PYROXD1: variants seen among roughly 807,000 people sequenced by gnomAD.
PYROXD1 encodes pyridine nucleotide-disulphide oxidoreductase domain 1.
In PYROXD1, 42 loss-of-function variants were observed where a neutral mutation model predicts 62.0. That is an observed-to-expected ratio of 0.68 (90% CI 0.53 to 0.88). The LOEUF is 0.88. Among genes scored for constraint, PYROXD1 ranks in the 40% least tolerant of loss-of-function variants. The pLI is 0.00. For missense variants in PYROXD1, 493 were observed against 604.8 expected (o/e 0.82, Z 1.94); for synonymous variants, 170 against 206.4 (o/e 0.82, Z 1.51).
intron 2 of PYROXD1, among the ~76,000 whole-genome samples, chr12:21,443,158 A>G (rs113010876): frequency 0.026 from 4,015 of 152,306 alleles, 68 homozygotes; most frequent in Middle Eastern, 0.061. Flanking sequence ...GCTCGAGTTG[A>G]GAATTATTCA....
Position 21,467,499 on chromosome 12 carries a change from G to A in PYROXD1, c.1135G>A (p.Ala379Thr), listed in dbSNP as rs757939171. The stretch of plus-strand genomic sequence containing the variant: ...ATTTCAGATGAGGCTGTGGACCCAG[G>A]CTAGACAGATGGGATGGTATGCAGC... ...VWQQMRLWTQ[A>T]RQMGWYAAKC... The change falls in exon 11 of 12, where the codon GCT becomes ACT. Residue 379 changes from alanine (A) to threonine (T), a missense_variant. Transcript: ENST00000240651. 6.2e-7 allele frequency: 1 copy of A among 1,609,762 alleles called. No homozygotes were observed. Among genetic ancestry groups the A allele is most frequent in the African/African-American group, 1.3e-5 (1 of 74,670 alleles).
intron 3 of PYROXD1, among the ~76,000 whole-genome samples, chr12:21,446,162 G>C (rs908935503): frequency 6.6e-6 from 1 of 152,170 alleles, no homozygotes; most frequent in African/African-American, 2.4e-5. Context: ...GTTGGCTCAC[G>C]CCTGTAATCC....
chr12:21,467,664 A>G, intron 11 of PYROXD1, 46 bp downstream of exon 11: 1 of 1,369,038 alleles, frequency 7.3e-7, no homozygotes, highest in Non-Finnish European at 1.0e-6. Flanking sequence ...TGTTAGTCTT[A>G]TGACTATGAT....
Position 21,455,287 on chromosome 12 carries a change from C to T in PYROXD1, c.644C>T (p.Thr215Ile). 1 of 1,547,170 alleles carries T rather than the reference C, an allele frequency of 6.5e-7. No homozygotes were observed. The highest frequency in any genetic ancestry group is 8.7e-7 in the Non-Finnish European group (1 of 1,147,342). The change falls in exon 6 of 12, where the codon ACT (threonine) becomes ATT (isoleucine). Residue 215 changes from threonine to isoleucine, a missense_variant. Physicochemically the swap from Thr to Ile is moderately conservative, Grantham distance 89. Coordinates refer to ENST00000240651, the MANE Select transcript of PYROXD1 (RefSeq NM_024854.5). ...GCACATAAAAGAACCAGATATACAA[C>T]TGAAGGTAAGTGTAGCACCTAGCTC... The part of the protein sequence containing the change: ...KIAHKRTRYT[T>I]EGRKKEARSK...
chr12:21,445,601 C>G (rs1942371850), intron 3 of PYROXD1, 135 bp downstream of exon 3: 1 of 874,866 alleles, frequency 1.1e-6, no homozygotes, highest in East Asian at 3.0e-5. Flanking sequence ...CATTGATTTC[C>G]AGTATTATTA....
rs77084832 is a variant in PYROXD1, at chr12:21,460,168, C to T, written c.751-857C>T. Among the ~76,000 whole-genome samples, 349 of 152,124 alleles carry T rather than the reference C, an allele frequency of 2.3e-3. 2 individuals are homozygous for T. Among genetic ancestry groups the T allele is most frequent in the African/African-American group, 7.9e-3 (329 of 41,508 alleles). ...GTAGGTAGGAGGGGAGCTGGCTGCA[C>T]GGTGTATCTAATTTTTGTGATGGAA... On this transcript the variant is annotated intron_variant, in intron 7 of 11. Coordinates refer to ENST00000240651, the MANE Select transcript of PYROXD1 (RefSeq NM_024854.5).
In PYROXD1 at chr12:21,460,989, T is replaced by C. The variant is rs7309539; in HGVS notation, c.751-36T>C. The C allele has an allele frequency of 0.48, 622,837 of 1,293,114 alleles. 151,432 individuals carry two copies. Among genetic ancestry groups the C allele is most frequent in the Middle Eastern group, 0.55 (1,915 of 3,508 alleles). The allele number at this position is 1,293,114 out of a possible 1,614,324, so 80.1% of individuals were successfully genotyped here. A position where few individuals can be genotyped will look rare whatever the true frequency, so the allele number is the denominator to read the frequency against. On this transcript the variant is annotated intron_variant, in intron 7 of 11. Transcript: ENST00000240651. ...TTAGTAACCCGGGTTATTCTTTCTG[T>C]AAGTATTATGCTAACCAGTATTTTC...
rs1237361246 is a variant in PYROXD1, at chr12:21,449,566, A to C, written c.289A>C (p.Ile97Leu). The part of the protein sequence containing the change: ...VKQLKSEEHC[I>L]VTEDGNQHVY... Reference sequence around the variant, plus strand: ...TCATTGTTTGATGTATTTACAGTGCATTGTAACAGAAGATGGCAATCAGCA... The same window carrying C: ...TCATTGTTTGATGTATTTACAGTGCCTTGTAACAGAAGATGGCAATCAGCA... Residue 97 changes from isoleucine (I) to leucine (L), a missense_variant, in exon 4 of 12, where the codon ATT (isoleucine) becomes CTT (leucine). Around this residue, in one of 2 missense-constraint regions of PYROXD1, gnomAD observed 164 missense variants for 158.2 expected, o/e 1.04. Transcript: ENST00000240651. 6.2e-7 allele frequency: 1 copy of C among 1,612,334 alleles called. No individual in the cohort carries two copies. Among genetic ancestry groups the C allele is most frequent in the Non-Finnish European group, 8.5e-7 (1 of 1,179,306 alleles).
chr12:21,466,866 G>A (rs944939065), intron 10 of PYROXD1, among the ~76,000 whole-genome samples: 1 of 152,082 alleles, frequency 6.6e-6, no homozygotes, highest in Non-Finnish European at 1.5e-5. Context: ...TAGCATGAAG[G>A]GTTGTTGAAT....
intron 7 of PYROXD1, among the ~76,000 whole-genome samples, chr12:21,459,456 A>G (rs1259255736): frequency 6.6e-6 from 1 of 152,218 alleles, no homozygotes; most frequent in Non-Finnish European, 1.5e-5. Flanking sequence ...TAAACCAGTA[A>G]ATGTAAGTAA....
chr12:21,449,828 G>T, intron 4 of PYROXD1, 137 bp downstream of exon 4: 2 of 622,842 alleles, frequency 3.2e-6, no homozygotes, highest in African/African-American at 1.9e-5. Context: ...ACCACAGAGT[G>T]GTTATGTTTT....
chr12:21,456,841 A>G, intron 7 of PYROXD1: 1 of 453,218 alleles, frequency 2.2e-6, no homozygotes, highest in South Asian at 1.6e-5. Context: ...TATATGTAAT[A>G]TTTTAAATCC....
Position 21,446,117 on chromosome 12 carries a change from T to G in PYROXD1, c.285+651T>G, listed in dbSNP as rs572114701. On this transcript the variant is annotated intron_variant, in intron 3 of 11. Coordinates refer to ENST00000240651, the MANE Select transcript of PYROXD1 (RefSeq NM_024854.5). The stretch of plus-strand genomic sequence containing the variant: ...AAGTGAGAACCTGAAGGGTTTTTAA[T>G]GTCACACTATAAGAAGTTGAGTTTG... Among the ~76,000 whole-genome samples, 18 of 152,318 alleles carry G rather than the reference T, an allele frequency of 1.2e-4. No individual in the cohort carries two copies. The South Asian group carries it at 3.7e-3, about 32-fold the overall frequency.
In PYROXD1 at chr12:21,468,748, T is replaced by C; in HGVS notation, c.1497T>C (p.Phe499=). The change falls in exon 12 of 12, where the codon TTT becomes TTC. Residue 499 remains phenylalanine (F), a synonymous_variant. Transcript: ENST00000240651. ...LDPNIDIEDY[F]D is the part of the protein sequence containing the mutation. Reference sequence around the variant, plus strand: ...CAAATATTGATATAGAAGATTATTTTGACTAAAAATGGAATTTCTTCAGGA... The same window carrying C: ...CAAATATTGATATAGAAGATTATTTCGACTAAAAATGGAATTTCTTCAGGA... The C allele has an allele frequency of 6.2e-7, 1 of 1,602,026 alleles. No individual in the cohort carries two copies. Among genetic ancestry groups the C allele is most frequent in the Non-Finnish European group, 8.5e-7 (1 of 1,172,472 alleles).
chr12:21,440,358 T>A lies in PYROXD1; in HGVS notation c.85-10T>A, dbSNP rs767726322. ...TGTCCTAATTTTTTTTCTCTCTTTT[T>A]AAAAATAAGTTGGCTACTCACTTTC... is the stretch of plus-strand genomic sequence containing the variant. On this transcript the variant is annotated splice_polypyrimidine_tract_variant and intron_variant, in intron 1 of 11. Coordinates refer to ENST00000240651, the MANE Select transcript of PYROXD1 (RefSeq NM_024854.5). The A allele has an allele frequency of 6.4e-7, 1 of 1,551,816 alleles. No individual in the cohort carries two copies. The highest frequency in any genetic ancestry group is 1.2e-5 in the South Asian group (1 of 85,372).
chr12:21,455,400 G>T, intron 6 of PYROXD1, 108 bp downstream of exon 6: 1 of 490,156 alleles, frequency 2.0e-6, no homozygotes, highest in Non-Finnish European at 3.3e-6. Context: ...ATAGTAATAT[G>T]GATATTTATA....
intron 1 of PYROXD1, chr12:21,438,607 A>G (rs1334205805): frequency 6.6e-6 from 1 of 152,220 alleles, no homozygotes; most frequent in Non-Finnish European, 1.5e-5. Flanking sequence ...TTGTAAAATA[A>G]TCAGCGAAGG....
intron 3 of PYROXD1, among the ~76,000 whole-genome samples, chr12:21,445,689 A>G (rs1378996875): frequency 6.6e-6 from 1 of 152,198 alleles, no homozygotes; most frequent in Non-Finnish European, 1.5e-5. Flanking sequence ...TTCAAATTAC[A>G]TTAATGTTTA....
At chr12:21,450,063 G>C (rs1942466128) in intron 4 of PYROXD1, among the ~76,000 whole-genome samples, 1 of 148,092 alleles carries the variant, frequency 6.8e-6, no homozygotes, top group African/African-American at 2.5e-5. Flanking sequence ...TAGAGACAGG[G>C]TTTCACCATG....
Sources: allele counts gnomAD v4.1 joint callset (sites outside exome capture counted in the v4.1 genomes callset), GRCh38; gene constraint gnomAD v4.1.1; regional missense constraint gnomAD v4.1.1; transcripts MANE v1.5; gene names NCBI Gene and HGNC (gene_info 2026-07-23, HGNC 2026-07-21).